MAPK6: variants seen among roughly 807,000 people sequenced by gnomAD.
MAPK6 encodes the protein ERK-3.
Under a neutral mutation model 59.3 loss-of-function variants are expected in MAPK6, and 19 were observed. That is an observed-to-expected ratio of 0.32 (90% CI 0.22 to 0.47). The LOEUF is 0.47. Ranked by LOEUF, MAPK6 falls within the 20% of genes least tolerant of loss-of-function variation. The pLI is 1.00. For synonymous variants in MAPK6, 316 were observed against 290.3 expected, an observed-to-expected ratio of 1.09 and a Z score of -0.90; for missense variants, 724 against 847.9, an observed-to-expected ratio of 0.85 and a Z score of 1.81.
chr15:52,057,378 C>T (rs2032023732), intron 3 of MAPK6: 1 of 152,182 alleles, frequency 6.6e-6, no homozygotes, highest in Non-Finnish European at 1.5e-5. Context: ...CATTATCTGC[C>T]CCAAGCTACT....
chr15:51,987,466 A>G (rs2057194384), intron 2 of MAPK6, among the ~76,000 whole-genome samples: 1 of 152,014 alleles, frequency 6.6e-6, no homozygotes, highest in South Asian at 2.1e-4. Context: ...TTAACCGGGC[A>G]TGGTGGCGTG....
At chr15:52,005,988 T>C (rs1221781185) in intron 3 of MAPK6, among the ~76,000 whole-genome samples, 3 of 152,158 alleles carry the variant, frequency 2.0e-5, no homozygotes, top group Non-Finnish European at 4.4e-5. Flanking sequence ...TGGATCTAAA[T>C]TGAAAAGATA....
chr15:52,012,717 G>A (rs1284912362), intron 3 of MAPK6, among the ~76,000 whole-genome samples: 1 of 151,844 alleles, frequency 6.6e-6, no homozygotes, highest in Non-Finnish European at 1.5e-5. Flanking sequence ...AGCCAGGCAC[G>A]ATGGCTTACA....
Position 52,046,406 on chromosome 15 carries a change from T to A in MAPK6, c.-55T>A. The A allele has an allele frequency of 7.5e-7, 1 of 1,333,168 alleles. No homozygotes were observed. Among genetic ancestry groups the A allele is most frequent in the South Asian group, 1.4e-5 (1 of 70,102 alleles). 82.6% of individuals were successfully genotyped at this position (1,333,168 alleles called of 1,614,324 possible). Reference sequence around the variant, plus strand: ...TCTTTCCTTTTGATGCCAGTTTTCTTCCTTGTTTACACAAGTTCAATTTGA... The same window carrying A: ...TCTTTCCTTTTGATGCCAGTTTTCTACCTTGTTTACACAAGTTCAATTTGA... On this transcript the variant is annotated 5_prime_UTR_variant, in exon 2 of 6. Transcript: ENST00000261845.
intron 4 of MAPK6, among the ~76,000 whole-genome samples, chr15:52,060,942 AGCACTACAGTGCTAGT>A (rs2032175651): frequency 6.6e-6 from 1 of 152,236 alleles, no homozygotes; most frequent in South Asian, 2.1e-4. Context: ...TAGCCTATCC[AGCACTACAGTGCTAGT>A]AATTGAGTTA....
chr15:52,001,870 T>G (rs2057243046), intron 2 of MAPK6, among the ~76,000 whole-genome samples: 2 of 152,184 alleles, frequency 1.3e-5, no homozygotes, highest in Admixed American at 1.3e-4. Flanking sequence ...TCAAGAGGAA[T>G]CTGGGAATTC....
chr15:51,983,304 T>C (rs2057180346), exon 2 of MAPK6, among the ~76,000 whole-genome samples: 2 of 151,754 alleles, frequency 1.3e-5, no homozygotes, highest in African/African-American at 4.8e-5. Flanking sequence ...CTGACCAACA[T>C]GGAGAAACCC....
intron 2 of MAPK6, among the ~76,000 whole-genome samples, chr15:52,049,163 A>ATAG (rs542490283): frequency 3.0e-4 from 46 of 152,212 alleles, no homozygotes; most frequent in Admixed American, 2.0e-3. Flanking sequence ...AAGTAGTTGA[A>ATAG]TAGGTGATGA....
upstream of MAPK6, chr15:52,018,910 T>G (rs2030360479): frequency 6.6e-6 from 1 of 152,404 alleles, no homozygotes; most frequent in Admixed American, 6.5e-5. Flanking sequence ...GATTGCCCAG[T>G]GCCTTGCACG....
intron 2 of MAPK6, among the ~76,000 whole-genome samples, chr15:51,985,957 C>CAA (rs1179326978): frequency 1.4e-3 from 186 of 137,180 alleles, no homozygotes; most frequent in African/African-American, 4.8e-3. Flanking sequence ...GACTCCGTCT[C>CAA]AAAAAAAAAA....
chr15:51,981,136 C>A (rs2057171534), intron 1 of MAPK6, among the ~76,000 whole-genome samples: 1 of 151,594 alleles, frequency 6.6e-6, no homozygotes, highest in Admixed American at 6.6e-5. Flanking sequence ...TTTGGACATG[C>A]AAATATAAGC....
At chr15:52,035,288 T>G (rs2031200202) in intron 1 of MAPK6, among the ~76,000 whole-genome samples, 1 of 152,226 alleles carries the variant, frequency 6.6e-6, no homozygotes, top group Non-Finnish European at 1.5e-5. Context: ...GAGGCTCTTT[T>G]CTTCATGGGA....
At chr15:52,016,066 G>T (rs1217590743), upstream of MAPK6, among the ~76,000 whole-genome samples, 2 of 44,338 alleles carry the variant, frequency 4.5e-5, 1 homozygote, top group Admixed American at 5.0e-4. Context: ...GCGCGCGCGC[G>T]CGCGCACACA....
rs140077966 is a variant in MAPK6, at chr15:52,033,747, G to A, written c.-631-12083G>A. 20 of 152,120 alleles carry A rather than the reference G, an allele frequency of 1.3e-4. No individual in the cohort carries two copies. The East Asian group carries it at 3.7e-3, about 28-fold the overall frequency. The allele number at this position is 152,120 out of a possible 1,614,324, so 9.4% of individuals were successfully genotyped here. On this transcript the variant is annotated intron_variant, in intron 1 of 5. Transcript: ENST00000261845. ...CATAAAACTTATTATTTCTGTCCCT[G>A]TGGAGAAGTGTGACTAATACATCTG...
intron 1 of MAPK6, among the ~76,000 whole-genome samples, chr15:52,028,729 G>A (rs931919571): frequency 2.0e-5 from 3 of 152,070 alleles, no homozygotes; most frequent in Admixed American, 2.0e-4. Flanking sequence ...AAGCCCTCTC[G>A]CCATTCCACA....
intron 1 of MAPK6, among the ~76,000 whole-genome samples, chr15:52,032,937 A>G (rs763386465): frequency 6.6e-6 from 1 of 150,954 alleles, no homozygotes; most frequent in Admixed American, 6.6e-5. Context: ...TGCCCGCTTC[A>G]GCCTCCCAAA....
intron 3 of MAPK6, chr15:52,057,289 G>C (rs963720323): frequency 1.3e-5 from 2 of 151,672 alleles, no homozygotes; most frequent in Non-Finnish European, 2.9e-5. Context: ...TGTCATCTCT[G>C]CTCAAACTGC....
chr15:52,003,416 C>G (rs1595963984), intron 2 of MAPK6, among the ~76,000 whole-genome samples: 1 of 152,288 alleles, frequency 6.6e-6, no homozygotes, highest in East Asian at 1.9e-4. Flanking sequence ...GATCAGTCAT[C>G]AGATTTGGGC....
chr15:51,997,656 T>C (rs1202785437), intron 2 of MAPK6, among the ~76,000 whole-genome samples: 1 of 149,710 alleles, frequency 6.7e-6, no homozygotes. Context: ...AATGGCGTGA[T>C]CTCGGCTCAC....
Sources: allele counts gnomAD v4.1 joint callset (sites outside exome capture counted in the v4.1 genomes callset), GRCh38; gene constraint gnomAD v4.1.1; transcripts MANE v1.5; gene names NCBI Gene and HGNC (gene_info 2026-07-23, HGNC 2026-07-21).